The following CPAMD8 variants were observed in gnomAD, a reference collection of about 807,000 sequenced individuals.
CPAMD8 encodes the protein C3 and PZP-like alpha-2-macroglobulin domain-containing protein 8.
In CPAMD8, 146 loss-of-function variants were observed where a neutral mutation model predicts 224.7. The observed-to-expected ratio is 0.65, with a 90% CI of 0.57 to 0.75. CPAMD8 has a LOEUF of 0.75. Among genes scored for constraint, CPAMD8 ranks in the 30% least tolerant of loss-of-function variants. CPAMD8 has a pLI of 0.00. For missense variants in CPAMD8, 2,301 were observed against 2,537.5 expected (o/e 0.91, Z 2.00); for synonymous variants, 966 against 1,044.6 (o/e 0.92, Z 1.45).
chr19:16,989,449 G>A (rs1284000993), intron 13 of CPAMD8, among the ~76,000 whole-genome samples, 194 bp downstream of exon 13: 3 of 152,126 alleles, frequency 2.0e-5, no homozygotes, highest in African/African-American at 7.2e-5. Context: ...ACCACACTCA[G>A]CTAATTTTTG....
At chr19:16,973,822 T>C (rs2055151854) in intron 17 of CPAMD8, among the ~76,000 whole-genome samples, 1 of 146,340 alleles carries the variant, frequency 6.8e-6, no homozygotes, top group African/African-American at 2.6e-5. Context: ...CTGATAGCAT[T>C]AGCCCTTTTT....
At chr19:16,918,090 G>T (rs1178752410) in intron 27 of CPAMD8, among the ~76,000 whole-genome samples, 2 of 151,394 alleles carry the variant, frequency 1.3e-5, no homozygotes, top group Admixed American at 1.3e-4. Context: ...CTGCCTCCAG[G>T]TTCAAGCAAT....
chr19:16,978,895 A>T (rs1033972333), intron 14 of CPAMD8, among the ~76,000 whole-genome samples: 2 of 149,678 alleles, frequency 1.3e-5, no homozygotes, highest in African/African-American at 4.9e-5. Flanking sequence ...CCAACCATCC[A>T]CCCATCCCTC....
chr19:17,019,971 CTTTTTTT>C (rs569150151), intron 3 of CPAMD8, among the ~76,000 whole-genome samples: 1 of 97,890 alleles, frequency 1.0e-5, no homozygotes, highest in Non-Finnish European at 2.1e-5. Context: ...TTTTTCTTTT[CTTTTTTT>C]TTTTTTTTTT....
chr19:16,992,758 GAA>G (rs1320236663), intron 12 of CPAMD8, among the ~76,000 whole-genome samples: 1 of 152,020 alleles, frequency 6.6e-6, no homozygotes, highest in Non-Finnish European at 1.5e-5. Context: ...AGCCTCTACA[GAA>G]AAATTTAAAA....
chr19:17,026,795 C>G lies in CPAMD8; in HGVS notation c.-153G>C. The G allele has an allele frequency of 9.2e-7, 1 of 1,091,386 alleles. No homozygotes were observed. The highest frequency in any genetic ancestry group is 1.1e-6 in the Non-Finnish European group (1 of 899,842). 67.6% of individuals were successfully genotyped at this position (1,091,386 alleles called of 1,614,324 possible). On this transcript the variant is annotated 5_prime_UTR_variant, in exon 1 of 42. Coordinates refer to ENST00000443236, the MANE Select transcript of CPAMD8 (RefSeq NM_015692.5). ...GCGCCCGGCGCCATGCGCCCCGCTC[C>G]GCGCCCGGCCAAGCTGGGGCAGCCC...
rs112920246 is a variant in CPAMD8 at position 16,951,935 on chromosome 19, T to C, written c.2508+34A>G. On this transcript the variant is annotated intron_variant, in intron 20 of 41. Coordinates refer to ENST00000443236, the MANE Select transcript of CPAMD8 (RefSeq NM_015692.5). The stretch of plus-strand genomic sequence containing the variant: ...AATGCAGTCCCAACTCCCCACTGAA[T>C]GGAGGAAGGCTATGTATTTGGGGGG... The C allele has an allele frequency of 1.0e-4, 133 of 1,318,104 alleles. No individual in the cohort carries two copies. The African/African-American group carries it at 1.5e-3, about 15-fold the overall frequency. 81.7% of individuals were successfully genotyped at this position (1,318,104 alleles called of 1,614,324 possible).
Position 16,898,083 on chromosome 19 carries a change from A to C in CPAMD8, c.4849-89T>G. The C allele has an allele frequency of 1.2e-6, 1 of 805,828 alleles. No individual in the cohort carries two copies. The highest frequency in any genetic ancestry group is 2.0e-6 in the Non-Finnish European group (1 of 503,774). 49.9% of individuals were successfully genotyped at this position (805,828 alleles called of 1,614,324 possible). ...CCCAGAACTGGCTGATTTCAGGGAT[A>C]CCCAGGACGCGTGAAACACAGAAGA... On this transcript the variant is annotated intron_variant, in intron 37 of 41. Coordinates refer to ENST00000443236, the MANE Select transcript of CPAMD8 (RefSeq NM_015692.5). This position sits in a 1 kb window ranked among gnomAD's most constrained non-coding sequence, Gnocchi z 4.2.
At chr19:17,001,571 G>T (rs1473435335) in intron 9 of CPAMD8, among the ~76,000 whole-genome samples, 1 of 151,996 alleles carries the variant, frequency 6.6e-6, no homozygotes, top group Non-Finnish European at 1.5e-5. Flanking sequence ...CGGGAGAGGG[G>T]CATGCTTTGG....
intron 16 of CPAMD8, among the ~76,000 whole-genome samples, 171 bp from the exon 17 acceptor site, chr19:16,975,429 A>G (rs1290533195): frequency 1.3e-5 from 2 of 152,194 alleles, no homozygotes; most frequent in Admixed American, 1.3e-4. Context: ...AACAGGAGCC[A>G]GGCACAGTGG....
Position 16,945,335 on chromosome 19 carries a change from G to A in CPAMD8, c.2793+214C>T, listed in dbSNP as rs2290651. Among the ~76,000 whole-genome samples the A allele has an allele frequency of 0.47, 71,277 of 151,966 alleles. 17,403 individuals are homozygous for A. The highest frequency in any genetic ancestry group is 0.6 in the African/African-American group (25,000 of 41,424). Reference sequence around the variant, plus strand: ...CTGAAGAGTCCCAAGCTGCTTTACCGAAGCCCACTCTGCGCTTTAGGGAGG... The same window carrying A: ...CTGAAGAGTCCCAAGCTGCTTTACCAAAGCCCACTCTGCGCTTTAGGGAGG... On this transcript the variant is annotated intron_variant, in intron 22 of 41. Transcript: ENST00000443236.
intron 3 of CPAMD8, among the ~76,000 whole-genome samples, chr19:17,014,582 C>T (rs572661367): frequency 1.1e-3 from 169 of 152,132 alleles, no homozygotes; most frequent in African/African-American, 3.4e-3. Context: ...ACAATCATGG[C>T]GAAAGGTGAA....
chr19:16,896,652 GCCGGGGAACCAGC>G lies in CPAMD8; in HGVS notation c.5066_5078del (p.Gly1689AlafsTer94). The G allele has an allele frequency of 6.8e-7, 1 of 1,460,504 alleles. No homozygotes were observed. Among genetic ancestry groups the G allele is most frequent in the Non-Finnish European group, 9.0e-7 (1 of 1,109,098 alleles). 90.5% of individuals were successfully genotyped at this position (1,460,504 alleles called of 1,614,324 possible). A position where few individuals can be genotyped will look rare whatever the true frequency, so the allele number is the denominator to read the frequency against. On this transcript the variant is annotated frameshift_variant and splice_region_variant, in exon 40 of 42. Transcript: ENST00000443236. LOFTEE classifies it high-confidence loss of function. ...CAGGGGCCACGGCAGGGCCCGACTC[GCCGGGGAACCAGC>G]CTGGGGGACGAGGCAGGCTCGACAG...
intron 13 of CPAMD8, among the ~76,000 whole-genome samples, chr19:16,984,994 T>C (rs1235143026): frequency 1.3e-5 from 2 of 152,194 alleles, no homozygotes; most frequent in Non-Finnish European, 2.9e-5. Flanking sequence ...AGGGTACCCA[T>C]TGAAAATCTG....
In CPAMD8 at chr19:16,902,752, C is replaced by T. The variant is rs748947166; in HGVS notation, c.4582G>A (p.Ala1528Thr). The T allele has an allele frequency of 1.1e-5, 17 of 1,595,202 alleles. No homozygotes were observed. Among genetic ancestry groups the T allele is most frequent in the African/African-American group, 1.3e-5 (1 of 74,460 alleles). Residue 1528 changes from alanine to threonine, a missense_variant, in exon 35 of 42, where the codon GCA becomes ACA. By Grantham distance (58) the Ala-to-Thr change is moderately conservative. Around this residue, in one of 4 missense-constraint regions of CPAMD8, gnomAD observed 1,709 missense variants for 1,753.2 expected, o/e 0.97. Transcript: ENST00000443236. ...QGRPPPMPAS[A>T]AEGSRGDWPP... ...CAGTCTCCTCGGGAACCCTCAGCTG[C>T]GGAGGCAGGCATGGGGGGCGGGCGT...
chr19:16,946,734 TGTG>T (rs2122268397), intron 21 of CPAMD8, among the ~76,000 whole-genome samples: 1 of 149,714 alleles, frequency 6.7e-6, no homozygotes, highest in Non-Finnish European at 1.5e-5. Flanking sequence ...TGTCTACACA[TGTG>T]GACGTGTGTG....
Position 16,899,682 on chromosome 19 carries a change from A to G in CPAMD8, c.4774-133T>C. ...ATGGGCTGGGGTCTGGGTGCTGGTC[A>G]GTGCTCCCCAGGCCCTGCCAGCCTC... On this transcript the variant is annotated intron_variant, in intron 36 of 41. Coordinates refer to ENST00000443236, the MANE Select transcript of CPAMD8 (RefSeq NM_015692.5). The surrounding 1 kb of genome is among the most constrained non-coding windows in gnomAD (Gnocchi z 5.4). 3 of 633,500 alleles carry G rather than the reference A, an allele frequency of 4.7e-6. No individual in the cohort carries two copies. The highest frequency in any genetic ancestry group is 8.7e-6 in the Non-Finnish European group (3 of 344,780). The allele number at this position is 633,500 out of a possible 1,614,324, so 39.2% of individuals were successfully genotyped here.
At position 16,904,319 on chromosome 19, in the gene CPAMD8, G is replaced by A; in HGVS notation, c.4158C>T (p.Thr1386=). ...EVEMTAYALL[T]YTLLGDVAAA... ...CAGCCACGTCACCCAGCAGAGTGTAGGTCAGAAGGGCGTAGGCTGTCATTT... is the reference window on the plus strand; with the variant it reads ...CAGCCACGTCACCCAGCAGAGTGTAAGTCAGAAGGGCGTAGGCTGTCATTT... Residue 1386 remains threonine, a synonymous_variant, in exon 32 of 42, where the codon ACC becomes ACT. Transcript: ENST00000443236. 1 of 1,613,864 alleles carries A rather than the reference G, an allele frequency of 6.2e-7. No homozygotes were observed. The highest frequency in any genetic ancestry group is 1.1e-5 in the South Asian group (1 of 91,088).
intron 22 of CPAMD8, among the ~76,000 whole-genome samples, chr19:16,942,519 C>CAA (rs2053935406): frequency 2.0e-5 from 3 of 152,174 alleles, no homozygotes; most frequent in African/African-American, 7.2e-5. Context: ...TCAGGTATTT[C>CAA]TTTATAGCAA....
Sources: allele counts gnomAD v4.1 joint callset (sites outside exome capture counted in the v4.1 genomes callset), GRCh38; gene constraint gnomAD v4.1.1; regional missense constraint gnomAD v4.1.1; non-coding constraint Gnocchi (gnomAD v3.1); transcripts MANE v1.5; gene names NCBI Gene and HGNC (gene_info 2026-07-23, HGNC 2026-07-21).